Variants in COL14A1 observed in about 807,000 individuals in gnomAD.
The protein encoded by COL14A1 is collagen type XIV alpha 1 chain, also known as collagen alpha-1(XIV) chain.
A neutral mutation model predicts 230.3 loss-of-function variants in COL14A1; 136 were observed. That is an observed-to-expected ratio of 0.59 (90% confidence interval 0.51 to 0.68). The LOEUF (loss-of-function observed/expected upper bound fraction) is 0.68, where lower values mean the gene tolerates loss of function less well. COL14A1 is among the 30% of genes least tolerant of loss of function. The pLI, the probability that COL14A1 is intolerant of heterozygous loss-of-function variation, is 0.00. For missense variants in COL14A1, 1,976 were observed against 2,215.8 expected, an observed-to-expected ratio of 0.89 and a Z score of 2.17; for synonymous variants, 792 against 784.1, an observed-to-expected ratio of 1.01 and a Z score of -0.17.
In COL14A1 at chr8:120,283,921, A is replaced by G. The variant is rs887318030; in HGVS notation, c.3967+143A>G. 2.7e-5 allele frequency: 16 copies of G among 588,308 alleles called. 1 individual carries two copies. In the Admixed American group the frequency reaches 6.0e-4, roughly 22 times the overall value. 36.4% of individuals were successfully genotyped at this position (588,308 alleles called of 1,614,324 possible). A position where few individuals can be genotyped will look rare whatever the true frequency, so the allele number is the denominator to read the frequency against. ...AATACTAAACAATGAATTATATAGCAGTTGGTTTATCCATTTATTCTCTTA... is the reference window on the plus strand; with the variant it reads ...AATACTAAACAATGAATTATATAGCGGTTGGTTTATCCATTTATTCTCTTA... On this transcript the variant is annotated intron_variant, in intron 32 of 47. Transcript: ENST00000297848.
intron 5 of COL14A1, among the ~76,000 whole-genome samples, chr8:120,176,171 A>G (rs1213698126): frequency 6.6e-6 from 1 of 152,222 alleles, no homozygotes; most frequent in Non-Finnish European, 1.5e-5. Flanking sequence ...ATCATGGGCC[A>G]ATGGTTTATA....
chr8:120,190,863 T>C (rs1213115589), intron 5 of COL14A1, among the ~76,000 whole-genome samples: 1 of 152,116 alleles, frequency 6.6e-6, no homozygotes, highest in African/African-American at 2.4e-5. Flanking sequence ...TGATGGTAGT[T>C]TGTATTTCTG....
intron 6 of COL14A1, 42 bp downstream of exon 6, chr8:120,196,988 C>T (rs761110428): frequency 1.3e-6 from 2 of 1,584,186 alleles, no homozygotes; most frequent in Non-Finnish European, 1.7e-6. Flanking sequence ...GTTGTCAGTG[C>T]AAAACTGCTG....
At chr8:120,232,862 G>A (rs1299477975) in intron 19 of COL14A1, among the ~76,000 whole-genome samples, 1 of 152,124 alleles carries the variant, frequency 6.6e-6, no homozygotes, top group Non-Finnish European at 1.5e-5. Flanking sequence ...CAATGGTTGA[G>A]CTAATTTACA....
chr8:120,306,121 C>G (rs559493961), intron 36 of COL14A1, among the ~76,000 whole-genome samples: 1 of 152,292 alleles, frequency 6.6e-6, no homozygotes, highest in Admixed American at 6.5e-5. Context: ...TTTCAGTTCA[C>G]ATGTATACTA....
In COL14A1 at chr8:120,367,673, C is replaced by T. The variant is rs12678786; in HGVS notation, c.5155+425C>T. ...ACATCGGGCTGGGTGCGGTGGCTCA[C>T]TCCTGTAAGCCCAGCGTTTTGGGAA... On this transcript the variant is annotated intron_variant, in intron 46 of 47. Transcript: ENST00000297848. Among the ~76,000 whole-genome samples, 585 of 151,156 alleles carry T rather than the reference C, an allele frequency of 3.9e-3. 25 individuals carry two copies. The East Asian group carries it at 0.1, about 26-fold the overall frequency.
chr8:120,311,535 G>C (rs965498797), intron 37 of COL14A1, among the ~76,000 whole-genome samples: 14 of 152,180 alleles, frequency 9.2e-5, no homozygotes, highest in Non-Finnish European at 1.5e-4. Flanking sequence ...ATCCAAGTGA[G>C]TAGTGGTTTT....
intron 1 of COL14A1, among the ~76,000 whole-genome samples, chr8:120,131,058 G>A (rs1814510232): frequency 1.3e-5 from 2 of 152,118 alleles, no homozygotes; most frequent in African/African-American, 4.8e-5. Flanking sequence ...TTTGTTCTTT[G>A]TTATGGCTGT....
chr8:120,270,609 A>G lies in COL14A1; in HGVS notation c.3213+435A>G, dbSNP rs542093678. On this transcript the variant is annotated intron_variant, in intron 26 of 47. Coordinates refer to ENST00000297848, the MANE Select transcript of COL14A1 (RefSeq NM_021110.4). The stretch of plus-strand genomic sequence containing the variant: ...CAAGGATTTATTATGGCCATGTACT[A>G]TACTGTCATAATGAATGTCAATCAA... 2.0e-5 allele frequency among the ~76,000 whole-genome samples: 3 copies of G among 151,898 alleles called. No individual in the cohort carries two copies. In the South Asian group the frequency reaches 6.2e-4, roughly 31 times the overall value.
intron 33 of COL14A1, among the ~76,000 whole-genome samples, chr8:120,287,953 A>G (rs1485209102): frequency 6.6e-6 from 1 of 152,052 alleles, no homozygotes; most frequent in Non-Finnish European, 1.5e-5. Context: ...TTAATTATAT[A>G]AATGGGCACT....
In COL14A1 at chr8:120,133,235, A is replaced by T. The variant is rs562183477; in HGVS notation, c.-38+7895A>T. Among the ~76,000 whole-genome samples, 24 of 152,078 alleles carry T rather than the reference A, an allele frequency of 1.6e-4. 1 individual carries two copies. Among genetic ancestry groups the T allele is most frequent in the East Asian group, 1.2e-3 (6 of 5,182 alleles). On this transcript the variant is annotated intron_variant, in intron 1 of 47. Transcript: ENST00000297848. ...CGTCTCAAACAAAAAAAAAATAAAA[A>T]AAAAAAAAATAACTGTTCCAAAGTA...
At position 120,371,397 on chromosome 8, in the gene COL14A1, A is replaced by C. The variant is rs1010328124; in HGVS notation, c.*166A>C. The C allele has an allele frequency of 1.8e-5, 7 of 388,524 alleles. No homozygotes were observed. The East Asian group carries it at 1.9e-4, about 11-fold the overall frequency. 24.1% of individuals were successfully genotyped at this position (388,524 alleles called of 1,614,324 possible). ...TAATATTATTATTATTATTAACAAA[A>C]AATATATATTTTTAAAAAGTTCCCT... On this transcript the variant is annotated 3_prime_UTR_variant, in exon 48 of 48. Coordinates refer to ENST00000297848, the MANE Select transcript of COL14A1 (RefSeq NM_021110.4).
chr8:120,330,637 C>T (rs1341019975), intron 40 of COL14A1, among the ~76,000 whole-genome samples: 1 of 152,154 alleles, frequency 6.6e-6, no homozygotes, highest in African/African-American at 2.4e-5. Context: ...ATGGGAGCTA[C>T]AATTTAAGAG....
intron 5 of COL14A1, among the ~76,000 whole-genome samples, chr8:120,175,362 A>T (rs563805014): frequency 6.8e-4 from 103 of 152,316 alleles, no homozygotes; most frequent in African/African-American, 2.3e-3. Flanking sequence ...TAAGAGACTG[A>T]TAGGAAAAAC....
rs141387174 is a variant in COL14A1 at position 120,320,082 on chromosome 8, T to C, written c.4659+4085T>C. 5.1e-4 allele frequency among the ~76,000 whole-genome samples: 77 copies of C among 151,876 alleles called. No homozygotes were observed. In the Middle Eastern group the frequency reaches 0.017, roughly 34 times the overall value. On this transcript the variant is annotated intron_variant, in intron 40 of 47. Transcript: ENST00000297848. ...GTCCCCACCCTAGACATCAGGGTGG[T>C]CCTCAGGAAAACTAGGAAGAACAGG... is the stretch of plus-strand genomic sequence containing the variant.
Position 120,242,772 on chromosome 8 carries a change from A to T in COL14A1, c.2350-1107A>T, listed in dbSNP as rs572689821. On this transcript the variant is annotated intron_variant, in intron 19 of 47. Transcript: ENST00000297848. ...CTCATATAAAAATCATCTAATTTAG[A>T]TTTCCTTGTTTCATATTTAAAATAC... is the stretch of plus-strand genomic sequence containing the variant. Among the ~76,000 whole-genome samples, 45 of 152,236 alleles carry T rather than the reference A, an allele frequency of 3.0e-4. No homozygotes were observed. In the South Asian group the frequency reaches 5.8e-3, roughly 20 times the overall value.
At position 120,158,131 on chromosome 8, in the gene COL14A1, G is replaced by A. The variant is rs377749294; in HGVS notation, c.90G>A (p.Val30=). ...ATCATTTTTGTTCTTCCTTTTCAGT[G>A]GCTCCACCCACAAGGTTAAGATATA... is the stretch of plus-strand genomic sequence containing the variant. The part of the protein sequence containing the change: ...VYFCTIVQGQ[V]APPTRLRYNV... Residue 30 remains valine (V), a splice_region_variant and synonymous_variant, in exon 3 of 48, where the codon GTG becomes GTA. Coordinates refer to ENST00000297848, the MANE Select transcript of COL14A1 (RefSeq NM_021110.4). The A allele has an allele frequency of 7.2e-6, 11 of 1,523,186 alleles. No individual in the cohort carries two copies. The African/African-American group carries it at 1.5e-4, about 21-fold the overall frequency. The allele number at this position is 1,523,186 out of a possible 1,614,324, so 94.4% of individuals were successfully genotyped here.
intron 40 of COL14A1, among the ~76,000 whole-genome samples, chr8:120,319,030 G>A (rs896198851): frequency 3.3e-5 from 5 of 152,160 alleles, no homozygotes; most frequent in African/African-American, 4.8e-5. Context: ...ATGTTTAATC[G>A]GCGCTTTTAG....
chr8:120,254,445 C>A (rs1254465882), intron 22 of COL14A1, among the ~76,000 whole-genome samples: 1 of 152,050 alleles, frequency 6.6e-6, no homozygotes, highest in Non-Finnish European at 1.5e-5. Flanking sequence ...CCTTGTGAAA[C>A]TGCTCCTGTT....
Sources: gnomAD v4.1 joint callset for allele counts (sites outside exome capture counted in the v4.1 genomes callset) on GRCh38, gnomAD v4.1.1 for gene constraint, MANE v1.5 for transcripts, NCBI Gene and HGNC (gene_info 2026-07-23, HGNC 2026-07-21) for gene names.